Variants in ALLC observed in about 807,000 individuals in gnomAD.
The protein encoded by ALLC is allantoicase.
In ALLC, 40 loss-of-function variants were observed where a neutral mutation model predicts 45.0. The ratio of observed to expected loss-of-function variants is 0.89; its 90% CI spans 0.69 to 1.16. ALLC has a LOEUF of 1.16. Among genes scored for constraint, ALLC ranks in the 50% most tolerant of loss-of-function variants. The pLI is 0.00. For missense variants in ALLC, 488 were observed against 493.1 expected, an observed-to-expected ratio of 0.99 and a Z score of 0.10; for synonymous variants, 176 against 178.1, an observed-to-expected ratio of 0.99 and a Z score of 0.09.
Position 3,695,880 on chromosome 2 carries a change from G to T in ALLC, c.667+8G>T, listed in dbSNP as rs202109096. On this transcript the variant is annotated splice_region_variant and intron_variant, in intron 8 of 11. Coordinates refer to ENST00000252505, the MANE Select transcript of ALLC (RefSeq NM_018436.4). ...ACCCAAACAATATAATAGGTAAGAT[G>T]ATATTCTTGGAGCTGGCTTATTTAG... The T allele has an allele frequency of 1.9e-6, 3 of 1,596,766 alleles. No individual in the cohort carries two copies. Among genetic ancestry groups the T allele is most frequent in the Non-Finnish European group, 2.6e-6 (3 of 1,172,696 alleles).
chr2:3,692,866 C>A (rs193138501), intron 7 of ALLC, among the ~76,000 whole-genome samples: 134 of 152,198 alleles, frequency 8.8e-4, no homozygotes, highest in African/African-American at 3.0e-3. Flanking sequence ...CAAGGTAGGA[C>A]CCTGTCCCAT....
intron 3 of ALLC, among the ~76,000 whole-genome samples, chr2:3,674,388 A>G (rs1208122663): frequency 6.6e-6 from 1 of 152,194 alleles, no homozygotes; most frequent in Non-Finnish European, 1.5e-5. Context: ...TCTTCTGGGT[A>G]AGGTGAATTT....
chr2:3,675,413 C>G (rs749195354), intron 3 of ALLC, among the ~76,000 whole-genome samples: 106 of 150,424 alleles, frequency 7.0e-4, no homozygotes, highest in Non-Finnish European at 1.3e-3. Flanking sequence ...AAAGCAAGCT[C>G]TCCATTCACT....
chr2:3,670,010 G>A (rs2147997116), intron 1 of ALLC, among the ~76,000 whole-genome samples: 1 of 152,286 alleles, frequency 6.6e-6, no homozygotes, highest in African/African-American at 2.4e-5. Context: ...GGGGATGAGG[G>A]CGCAGGAGGA....
chr2:3,662,654 T>A (rs1666602819), intron 1 of ALLC, among the ~76,000 whole-genome samples: 1 of 152,258 alleles, frequency 6.6e-6, no homozygotes, highest in Admixed American at 6.5e-5. Flanking sequence ...TATGTGTATA[T>A]GATGGATGGT....
intron 11 of ALLC, 130 bp downstream of exon 11, chr2:3,701,766 C>T (rs942385591): frequency 3.6e-6 from 4 of 1,121,650 alleles, no homozygotes; most frequent in African/African-American, 1.6e-5. Context: ...GGTTTAAAAC[C>T]CCTATCTGCA....
chr2:3,671,056 G>A (rs60644898), intron 1 of ALLC, 40 bp from the exon 2 acceptor site: 279,521 of 1,302,720 alleles, frequency 0.21, 30,755 homozygotes, highest in African/African-American at 0.29. Context: ...ACTCACTCCC[G>A]CAGCCCCCAA....
In ALLC at chr2:3,671,139, T is replaced by C; in HGVS notation, c.-19T>C. 3 of 1,610,078 alleles carry C rather than the reference T, an allele frequency of 1.9e-6. No individual in the cohort carries two copies. The highest frequency in any genetic ancestry group is 2.5e-6 in the Non-Finnish European group (3 of 1,178,326). Reference sequence around the variant, plus strand: ...CGAAGGAGGGAAGACTGACCCGGTTTCTGGACTTCACCCAGCTGATGGACA... The same window carrying C: ...CGAAGGAGGGAAGACTGACCCGGTTCCTGGACTTCACCCAGCTGATGGACA... On this transcript the variant is annotated 5_prime_UTR_variant, in exon 2 of 12. Coordinates refer to ENST00000252505, the MANE Select transcript of ALLC (RefSeq NM_018436.4).
chr2:3,651,001 A>T, the ALLC span, among the ~76,000 whole-genome samples: 1 of 152,154 alleles, frequency 6.6e-6, no homozygotes, highest in Non-Finnish European at 1.5e-5. Flanking sequence ...TCTGATCTGC[A>T]AAGTAGGAGG....
the ALLC span, among the ~76,000 whole-genome samples, chr2:3,651,307 G>GTGTGTGTGTGTGTGT: frequency 3.6e-4 from 2 of 5,550 alleles, no homozygotes; most frequent in East Asian, 9.1e-3. Context: ...TGGGTGGGTG[G>GTGTGTGTGTGTGTGT]GTGGGTGGGG....
At chr2:3,696,211 C>A in intron 8 of ALLC, 64 bp from the exon 9 acceptor site, 1 of 1,290,478 alleles carries the variant, frequency 7.7e-7, no homozygotes, top group South Asian at 1.3e-5. Context: ...TTAATTACAG[C>A]AATGTATTCA....
At chr2:3,650,167 C>T in the ALLC span, among the ~76,000 whole-genome samples, 1 of 152,210 alleles carries the variant, frequency 6.6e-6, no homozygotes, top group Admixed American at 6.5e-5. Context: ...GGGAAGAGGG[C>T]AGCGCTGGCT....
chr2:3,675,927 T>C (rs1265942514), intron 3 of ALLC, among the ~76,000 whole-genome samples: 2 of 152,240 alleles, frequency 1.3e-5, no homozygotes, highest in East Asian at 3.9e-4. Flanking sequence ...AGCTCCAGCA[T>C]CTGGTGAGGG....
the ALLC span, among the ~76,000 whole-genome samples, chr2:3,651,305 TGGGTGGGTGGGGGGG>T: frequency 2.1e-4 from 5 of 23,356 alleles, no homozygotes; most frequent in East Asian, 1.6e-3. Context: ...TTTGGGTGGG[TGGGTGGGTGGGGGGG>T]GTGTGTGTGT....
chr2:3,678,634 C>T (rs1295468082), intron 4 of ALLC, 79 bp downstream of exon 4: 6 of 1,181,056 alleles, frequency 5.1e-6, no homozygotes, highest in African/African-American at 3.0e-5. Context: ...AGCCAGTGTC[C>T]GTTTTGGGTC....
At position 3,674,107 on chromosome 2, in the gene ALLC, T is replaced by C. The variant is rs765224887; in HGVS notation, c.66T>C (p.Pro22=). ...ILFATDDFFA[P]AENLIKSDSP... is the part of the protein sequence containing the mutation. The stretch of plus-strand genomic sequence containing the variant: ...TTGCAACAGATGACTTTTTTGCTCC[T>C]GCAGAAAACCTCATAAAGGTATTGT... The change falls in exon 3 of 12, where the codon CCT becomes CCC. Residue 22 remains proline (P), a synonymous_variant. Transcript: ENST00000252505. 7.0e-5 allele frequency: 110 copies of C among 1,562,584 alleles called. 1 individual carries two copies. The East Asian group carries it at 2.5e-3, about 36-fold the overall frequency.
chr2:3,672,673 G>A (rs1200199447), intron 2 of ALLC, among the ~76,000 whole-genome samples: 1 of 147,060 alleles, frequency 6.8e-6, no homozygotes, highest in Non-Finnish European at 1.5e-5. Context: ...TTAGATGGGA[G>A]GTCCTCTGGC....
intron 2 of ALLC, among the ~76,000 whole-genome samples, chr2:3,671,837 T>TGGAGGTCCTCTGGCTCTGGTTAGATG (rs1558537236): frequency 2.3e-4 from 6 of 25,954 alleles, no homozygotes; most frequent in African/African-American, 9.6e-4. Flanking sequence ...CTGGTTAGAT[T>TGGAGGTCCTCTGGCTCTGGTTAGATG]GGAGGTCCTC....
At chr2:3,690,277 T>C (rs866528160) in intron 7 of ALLC, among the ~76,000 whole-genome samples, 1 of 532 alleles carries the variant, frequency 1.9e-3, no homozygotes, top group Non-Finnish European at 3.4e-3. Flanking sequence ...CCCCCTCCCC[T>C]CCCCCTCCCC....
Sources: gnomAD v4.1 joint callset for allele counts (sites outside exome capture counted in the v4.1 genomes callset) on GRCh38, gnomAD v4.1.1 for gene constraint, MANE v1.5 for transcripts, NCBI Gene and HGNC (gene_info 2026-07-23, HGNC 2026-07-21) for gene names.